TUFT1: variants seen among roughly 807,000 people sequenced by gnomAD.
TUFT1 encodes tuftelin.
A neutral mutation model predicts 57.8 loss-of-function variants in TUFT1; 43 were observed. The ratio of observed to expected loss-of-function variants is 0.74; its 90% CI spans 0.58 to 0.96. TUFT1 has a LOEUF of 0.96. Among genes scored for constraint, TUFT1 ranks in the 40% least tolerant of loss-of-function variants. TUFT1 has a pLI of 0.00. For missense variants in TUFT1, 459 were observed against 489.0 expected, an observed-to-expected ratio of 0.94 and a Z score of 0.58; for synonymous variants, 166 against 176.7, an observed-to-expected ratio of 0.94 and a Z score of 0.48.
intron 7 of TUFT1, among the ~76,000 whole-genome samples, chr1:151,572,725 C>T (rs1666296955): frequency 6.6e-6 from 1 of 152,166 alleles, no homozygotes; most frequent in Non-Finnish European, 1.5e-5. Flanking sequence ...GTTCTACTGG[C>T]TGCTTGCTGT....
chr1:151,566,448 G>C (rs556321196), intron 6 of TUFT1, among the ~76,000 whole-genome samples: 9 of 152,274 alleles, frequency 5.9e-5, no homozygotes, highest in Admixed American at 4.6e-4. Flanking sequence ...ATTGAAGTGG[G>C]TGGATCTTTC....
At chr1:151,541,331 C>T (rs1384360708) in intron 1 of TUFT1, among the ~76,000 whole-genome samples, 1 of 152,204 alleles carries the variant, frequency 6.6e-6, no homozygotes, top group East Asian at 1.9e-4. Flanking sequence ...CAGTTCTCCC[C>T]ACCCTAGCTG....
At chr1:151,580,115 C>G (rs902387222) in intron 11 of TUFT1, among the ~76,000 whole-genome samples, 2 of 152,152 alleles carry the variant, frequency 1.3e-5, no homozygotes, top group African/African-American at 4.8e-5. Flanking sequence ...GATTACGTAA[C>G]GAGTTGCCTT....
chr1:151,582,008 G>A lies in TUFT1; in HGVS notation c.*301G>A, dbSNP rs1666660405. On this transcript the variant is annotated 3_prime_UTR_variant, in exon 13 of 13. Transcript: ENST00000368849. ...CTCTGTAGAGAGCCTCCCTTCTGTTGTAGACTGGACTCTGGCTGTGCCATA... is the reference window on the plus strand; with the variant it reads ...CTCTGTAGAGAGCCTCCCTTCTGTTATAGACTGGACTCTGGCTGTGCCATA... 1.7e-6 allele frequency: 1 copy of A among 575,696 alleles called. No individual in the cohort carries two copies. The highest frequency in any genetic ancestry group is 1.8e-5 in the African/African-American group (1 of 54,288). 35.7% of individuals were successfully genotyped at this position (575,696 alleles called of 1,614,324 possible). A position where few individuals can be genotyped will look rare whatever the true frequency, so the allele number is the denominator to read the frequency against.
At chr1:151,545,795 G>A in intron 1 of TUFT1, 1 of 531,084 alleles carries the variant, frequency 1.9e-6, no homozygotes, top group Non-Finnish European at 3.9e-6. Flanking sequence ...CCAGGGTGAA[G>A]ACCTGAGTAA....
At chr1:151,557,979 C>CA (rs1309883806) in intron 1 of TUFT1, 3 of 456,902 alleles carry the variant, frequency 6.6e-6, no homozygotes, top group East Asian at 5.7e-5. Context: ...AAACTTACAG[C>CA]AAAAAAACTT....
At position 151,575,087 on chromosome 1, in the gene TUFT1, G is replaced by A. The variant is rs942142418; in HGVS notation, c.818+82G>A. ...CCATACAGCCTGTTGCTCCTGTGGT[G>A]GCCTGGTCTGGGGAGGAAGCTGGTG... On this transcript the variant is annotated intron_variant, in intron 9 of 12. Transcript: ENST00000368849. 2.4e-6 allele frequency: 3 copies of A among 1,260,680 alleles called. No homozygotes were observed. The Admixed American group carries it at 6.0e-5, about 25-fold the overall frequency. The allele number at this position is 1,260,680 out of a possible 1,614,324, so 78.1% of individuals were successfully genotyped here. A position where few individuals can be genotyped will look rare whatever the true frequency, so the allele number is the denominator to read the frequency against.
At chr1:151,579,753 A>T in intron 11 of TUFT1, 21 bp downstream of exon 11, 8 of 1,610,110 alleles carry the variant, frequency 5.0e-6, no homozygotes, top group Non-Finnish European at 6.8e-6. Flanking sequence ...TGGGCAGCCC[A>T]GCAGGGGAAC....
chr1:151,574,256 G>A lies in TUFT1; in HGVS notation c.595-14G>A. 2 of 1,611,370 alleles carry A rather than the reference G, an allele frequency of 1.2e-6. No homozygotes were observed. The highest frequency in any genetic ancestry group is 2.2e-5 in the South Asian group (2 of 90,620). On this transcript the variant is annotated splice_polypyrimidine_tract_variant and intron_variant, in intron 7 of 12. Transcript: ENST00000368849. ...TTTCCACACCATTTAACATATTCCT[G>A]CTCCGTGTTTTAGGTCACACTCAGC...
chr1:151,581,866 C>T lies in TUFT1; in HGVS notation c.*159C>T. 1 of 729,826 alleles carries T rather than the reference C, an allele frequency of 1.4e-6. No individual in the cohort carries two copies. The highest frequency in any genetic ancestry group is 2.4e-6 in the Non-Finnish European group (1 of 421,648). The allele number at this position is 729,826 out of a possible 1,614,324, so 45.2% of individuals were successfully genotyped here. On this transcript the variant is annotated 3_prime_UTR_variant, in exon 13 of 13. Coordinates refer to ENST00000368849, the MANE Select transcript of TUFT1 (RefSeq NM_020127.3). ...CTCACCATTCCCAAGCCCCTGGCCA[C>T]TCTAAGCTGGGCAGACGGAGCACGA...
At chr1:151,549,321 A>T (rs374614226) in intron 1 of TUFT1, among the ~76,000 whole-genome samples, 7 of 152,260 alleles carry the variant, frequency 4.6e-5, no homozygotes, top group African/African-American at 1.7e-4. Context: ...GGCAGAGAGG[A>T]GCCCCAGGAT....
intron 10 of TUFT1, 55 bp from the exon 11 acceptor site, chr1:151,579,594 G>C: frequency 6.3e-7 from 1 of 1,583,482 alleles, no homozygotes; most frequent in Non-Finnish European, 8.7e-7. Flanking sequence ...GAAGTCTGGT[G>C]AGTGTGTAAT....
intron 1 of TUFT1, among the ~76,000 whole-genome samples, chr1:151,552,169 G>A (rs1023856722): frequency 6.6e-6 from 1 of 152,188 alleles, no homozygotes; most frequent in African/African-American, 2.4e-5. Flanking sequence ...TACTGATGTT[G>A]CATGTACAGT....
chr1:151,573,704 A>G (rs1365808749), intron 7 of TUFT1, among the ~76,000 whole-genome samples: 1 of 152,204 alleles, frequency 6.6e-6, no homozygotes, highest in East Asian at 1.9e-4. Flanking sequence ...AGATCGTGCC[A>G]TTGCACTCCA....
At chr1:151,574,544 A>G in intron 8 of TUFT1, 146 bp downstream of exon 8, 3 of 1,110,940 alleles carry the variant, frequency 2.7e-6, no homozygotes, top group Non-Finnish European at 3.8e-6. Context: ...ATCCCTTGGA[A>G]TACATTTTAG....
intron 7 of TUFT1, among the ~76,000 whole-genome samples, chr1:151,572,987 T>C (rs1666315996): frequency 6.6e-6 from 1 of 152,236 alleles, no homozygotes; most frequent in African/African-American, 2.4e-5. Context: ...CTGAAATGGA[T>C]GGTGAAGTAT....
intron 1 of TUFT1, among the ~76,000 whole-genome samples, chr1:151,546,093 T>G (rs1665329944): frequency 6.6e-6 from 1 of 152,066 alleles, no homozygotes; most frequent in Admixed American, 6.5e-5. Flanking sequence ...GGGAACTATT[T>G]GCATTTTTTT....
At chr1:151,574,861 G>C (rs1187452347) in intron 8 of TUFT1, 50 bp from the exon 9 acceptor site, 1 of 1,503,818 alleles carries the variant, frequency 6.6e-7, no homozygotes, top group African/African-American at 1.4e-5. Flanking sequence ...CCCAAACGCA[G>C]AAACTGTTGC....
chr1:151,578,797 C>A lies in TUFT1; in HGVS notation c.895C>A (p.Gln299Lys). ...HHLDDMLKSQ[Q>K]RKVRQMIEQL... Reference sequence around the variant, plus strand: ...CTTGGATGACATGCTCAAGAGCCAGCAGCGGAAAGTCCGGCAAATGATAGA... The same window carrying A: ...CTTGGATGACATGCTCAAGAGCCAGAAGCGGAAAGTCCGGCAAATGATAGA... Residue 299 changes from glutamine (Q) to lysine (K), a missense_variant, in exon 10 of 13, where the codon CAG becomes AAG. By Grantham distance (53) the Gln-to-Lys change is moderately conservative. Coordinates refer to ENST00000368849, the MANE Select transcript of TUFT1 (RefSeq NM_020127.3). The A allele has an allele frequency of 6.3e-7, 1 of 1,578,880 alleles. No homozygotes were observed. The highest frequency in any genetic ancestry group is 8.6e-7 in the Non-Finnish European group (1 of 1,161,036).
Sources: allele counts gnomAD v4.1 joint callset (sites outside exome capture counted in the v4.1 genomes callset), GRCh38; gene constraint gnomAD v4.1.1; transcripts MANE v1.5; gene names NCBI Gene and HGNC (gene_info 2026-07-23, HGNC 2026-07-21).